The following ENAH variants were observed in gnomAD, a reference collection of about 807,000 sequenced individuals.
The protein encoded by ENAH is protein enabled homolog.
In ENAH, 23 loss-of-function variants were observed where a neutral mutation model predicts 78.7. The observed-to-expected ratio is 0.29, with a 90% CI of 0.21 to 0.41. The LOEUF (loss-of-function observed/expected upper bound fraction) is 0.41, where lower values mean the gene tolerates loss of function less well. Ranked by LOEUF, ENAH falls within the 10% of genes least tolerant of loss-of-function variation. ENAH has a pLI of 1.00. For missense variants in ENAH, 544 were observed against 691.0 expected (o/e 0.79, Z 2.39); for synonymous variants, 226 against 241.0 (o/e 0.94, Z 0.58).
At chr1:225,608,806 ACT>A (rs1363819902) in intron 1 of ENAH, among the ~76,000 whole-genome samples, 1 of 125,056 alleles carries the variant, frequency 8.0e-6, no homozygotes, top group Non-Finnish European at 1.6e-5. Context: ...ACAGAGCGAG[ACT>A]CTGTCTCAAA....
At chr1:225,573,748 T>C (rs995078090) in intron 1 of ENAH, among the ~76,000 whole-genome samples, 1 of 152,200 alleles carries the variant, frequency 6.6e-6, no homozygotes, top group African/African-American at 2.4e-5. Flanking sequence ...AAATTATGGA[T>C]GCACCTAGCA....
chr1:225,541,601 C>T (rs1197518803), intron 3 of ENAH, among the ~76,000 whole-genome samples: 2 of 152,148 alleles, frequency 1.3e-5, no homozygotes, highest in African/African-American at 2.4e-5. Flanking sequence ...CCATGCTGTG[C>T]ATCTGTTCTT....
chr1:225,515,180 T>A (rs943193159), intron 6 of ENAH: 1 of 384,702 alleles, frequency 2.6e-6, no homozygotes, highest in Admixed American at 4.7e-5. Flanking sequence ...GGGGATTTGG[T>A]AAATAAGCAA....
In ENAH at chr1:225,640,936, C is replaced by T. The variant is rs536467060; in HGVS notation, c.5+11750G>A. 6.2e-4 allele frequency among the ~76,000 whole-genome samples: 90 copies of T among 144,528 alleles called. 4 individuals carry two copies. The South Asian group carries it at 0.011, about 17-fold the overall frequency. The allele number at this position is 144,528 out of a possible 152,430, so 94.8% of individuals were successfully genotyped here. A position where few individuals can be genotyped will look rare whatever the true frequency, so the allele number is the denominator to read the frequency against. On this transcript the variant is annotated intron_variant, in intron 1 of 13. Transcript: ENST00000366843. ...TTTGAGACAGAGTCTCGTTCTGTTGCCCAGGCTGGAGTGCAATGGCGCGAT... is the reference window on the plus strand; with the variant it reads ...TTTGAGACAGAGTCTCGTTCTGTTGTCCAGGCTGGAGTGCAATGGCGCGAT...
intron 1 of ENAH, among the ~76,000 whole-genome samples, chr1:225,584,569 A>C (rs2147795304): frequency 6.6e-6 from 1 of 152,324 alleles, no homozygotes; most frequent in East Asian, 1.9e-4. Flanking sequence ...CTCCATAATT[A>C]CATGAAATGT....
chr1:225,571,107 A>C (rs1038356957), intron 1 of ENAH, among the ~76,000 whole-genome samples: 2 of 150,160 alleles, frequency 1.3e-5, no homozygotes, highest in African/African-American at 4.9e-5. Flanking sequence ...GGCCAGGCAC[A>C]GTGGCTCGTG....
intron 2 of ENAH, among the ~76,000 whole-genome samples, chr1:225,558,700 C>T (rs2151449507): frequency 8.0e-6 from 1 of 125,106 alleles, no homozygotes; most frequent in East Asian, 2.6e-4. Context: ...GTGGCGCGAT[C>T]TCGGCTCACT....
intron 11 of ENAH, among the ~76,000 whole-genome samples, chr1:225,503,678 A>AAAAC (rs1553413034): frequency 4.3e-5 from 6 of 138,730 alleles, no homozygotes; most frequent in South Asian, 2.6e-4. Flanking sequence ...AAAAAAAAAA[A>AAAAC]CACAAAACTA....
chr1:225,576,513 A>G (rs1408127471), intron 1 of ENAH, among the ~76,000 whole-genome samples: 1 of 152,222 alleles, frequency 6.6e-6, no homozygotes, highest in Non-Finnish European at 1.5e-5. Flanking sequence ...GCATATGTCT[A>G]AGTTCTCTCT....
At chr1:225,636,258 T>C (rs1660040421) in intron 1 of ENAH, among the ~76,000 whole-genome samples, 1 of 152,226 alleles carries the variant, frequency 6.6e-6, no homozygotes, top group African/African-American at 2.4e-5. Flanking sequence ...GTTTCTAATT[T>C]TAGTTAACTT....
chr1:225,527,216 T>TAGA (rs1260979990), intron 4 of ENAH, among the ~76,000 whole-genome samples: 9 of 152,300 alleles, frequency 5.9e-5, no homozygotes, highest in African/African-American at 2.2e-4. Flanking sequence ...AGTAATAGTA[T>TAGA]AGAAAAAGGC....
intron 1 of ENAH, among the ~76,000 whole-genome samples, chr1:225,577,893 ATAGGGAGTAATCTTTT>A (rs1168928035): frequency 6.6e-5 from 10 of 152,306 alleles, no homozygotes; most frequent in Non-Finnish European, 1.0e-4. Flanking sequence ...CTTTTTTTCA[ATAGGGAGTAATCTTTT>A]TAGGGAGTAA....
chr1:225,572,374 C>T (rs1056870714), intron 1 of ENAH, among the ~76,000 whole-genome samples: 2 of 151,920 alleles, frequency 1.3e-5, no homozygotes, highest in African/African-American at 4.8e-5. Flanking sequence ...GACAGGTATG[C>T]GATGGGGCGG....
intron 11 of ENAH, among the ~76,000 whole-genome samples, chr1:225,504,369 GTAC>G (rs1337186380): frequency 3.3e-5 from 5 of 152,124 alleles, no homozygotes; most frequent in Admixed American, 1.3e-4. Context: ...TAAAATGACT[GTAC>G]TACTATATTT....
intron 4 of ENAH, among the ~76,000 whole-genome samples, chr1:225,520,097 T>C (rs1575386376): frequency 6.6e-6 from 1 of 151,936 alleles, no homozygotes; most frequent in Non-Finnish European, 1.5e-5. Flanking sequence ...AGTTCGAGAC[T>C]GGCCTGGCCA....
chr1:225,549,824 T>C (rs2096633034), intron 3 of ENAH, among the ~76,000 whole-genome samples: 1 of 152,192 alleles, frequency 6.6e-6, no homozygotes, highest in Admixed American at 6.5e-5. Flanking sequence ...CTCCTCTTCA[T>C]TCTGCTCCTC....
intron 5 of ENAH, 136 bp from the exon 6 acceptor site, chr1:225,517,442 C>G (rs2096429951): frequency 6.4e-7 from 1 of 1,551,656 alleles, no homozygotes; most frequent in Non-Finnish European, 8.7e-7. Context: ...GGCGGAGGAG[C>G]TGCTGGCCCT....
chr1:225,518,111 T>G (rs1358568925), intron 5 of ENAH: 2 of 788,996 alleles, frequency 2.5e-6, no homozygotes, highest in Non-Finnish European at 3.9e-6. Context: ...CTACAGTTAG[T>G]ATCAGAGAAT....
chr1:225,535,469 A>G (rs1413644611), intron 3 of ENAH: 7 of 1,273,078 alleles, frequency 5.5e-6, no homozygotes, highest in Non-Finnish European at 5.2e-6. Context: ...AGCATGTACC[A>G]CAGCTTGAAA....
Sources: gnomAD v4.1 joint callset for allele counts (sites outside exome capture counted in the v4.1 genomes callset) on GRCh38, gnomAD v4.1.1 for gene constraint, MANE v1.5 for transcripts, NCBI Gene and HGNC (gene_info 2026-07-23, HGNC 2026-07-21) for gene names.